The following JAG1 variants were observed in gnomAD, a reference collection of about 807,000 sequenced individuals.
JAG1 encodes the protein protein jagged-1.
A neutral mutation model predicts 148.7 loss-of-function variants in JAG1; 23 were observed. That is an observed-to-expected ratio of 0.15 (90% CI 0.11 to 0.22). JAG1 has a LOEUF of 0.22. Among genes scored for constraint, JAG1 ranks in the 10% least tolerant of loss-of-function variants. JAG1 has a pLI of 1.00. For missense variants in JAG1, 1,054 were observed against 1,611.2 expected (o/e 0.65, Z 5.92); for synonymous variants, 572 against 598.3 (o/e 0.96, Z 0.64).
chr20:10,644,070 T>A, intron 19 of JAG1, among the ~76,000 whole-genome samples: 1 of 152,132 alleles, frequency 6.6e-6, no homozygotes, highest in East Asian at 1.9e-4. Context: ...GCAGCGGGAT[T>A]TTTAAAAGCT....
Position 10,672,613 on chromosome 20 carries a change from C to G in JAG1, c.387+88G>C. ...TAGCGCCTAGTTTCAAGCCAAAGCC[C>G]TTTAAATCCCTCTCGCAAGGGATAA... On this transcript the variant is annotated intron_variant, in intron 2 of 25. Transcript: ENST00000254958. 2.2e-6 allele frequency: 3 copies of G among 1,367,180 alleles called. No individual in the cohort carries two copies. In the Middle Eastern group the frequency reaches 7.0e-4, roughly 321 times the overall value. 84.7% of individuals were successfully genotyped at this position (1,367,180 alleles called of 1,614,324 possible).
intron 21 of JAG1, 31 bp downstream of exon 21, chr20:10,642,453 AAGAC>A: frequency 7.9e-7 from 1 of 1,272,166 alleles, no homozygotes; most frequent in Non-Finnish European, 1.2e-6. Flanking sequence ...CTCACCCCAG[AAGAC>A]CCATGGGCAG....
At chr20:10,658,829 CT>C (rs1600189123) in intron 3 of JAG1, 107 bp from the exon 4 acceptor site, 1 of 1,277,118 alleles carries the variant, frequency 7.8e-7, no homozygotes, top group African/African-American at 1.5e-5. Context: ...AAAATTCTAT[CT>C]GTTGTAAAAA....
intron 2 of JAG1, among the ~76,000 whole-genome samples, chr20:10,668,038 C>A (rs1169690673): frequency 7.0e-6 from 1 of 143,284 alleles, no homozygotes; most frequent in Admixed American, 7.4e-5. Context: ...AGCCACCTTG[C>A]GGAATTTCTT....
At position 10,646,999 on chromosome 20, in the gene JAG1, A is replaced by C; in HGVS notation, c.1825T>G (p.Ser609Ala). 6.2e-7 allele frequency: 1 copy of C among 1,614,104 alleles called. No individual in the cohort carries two copies. Among genetic ancestry groups the C allele is most frequent in the Non-Finnish European group, 8.5e-7 (1 of 1,180,008 alleles). Residue 609 changes from serine to alanine, a missense_variant, in exon 14 of 26, where the codon TCG becomes GCG. By Grantham distance (99) the Ser-to-Ala change is moderately conservative. Coordinates refer to ENST00000254958, the MANE Select transcript of JAG1 (RefSeq NM_000214.3). The part of the protein sequence containing the change: ...CGPHGKCKSQ[S>A]GGKFTCDCNK... ...CAGTCACAGGTGAATTTGCCTCCCG[A>C]CTGACTCTTGCACTTCCCGTGAGGA...
chr20:10,644,924 G>C lies in JAG1; in HGVS notation c.2283C>G (p.Val761=). The part of the protein sequence containing the change: ...NPCHNGGTCV[V]NGESFTCVCK... ...AGACGCACGTAAAGGACTCGCCGTT[G>C]ACCACACATGTGCCCCCATTATGGC... Residue 761 remains valine, a synonymous_variant, in exon 18 of 26, where the codon GTC becomes GTG. Coordinates refer to ENST00000254958, the MANE Select transcript of JAG1 (RefSeq NM_000214.3). The C allele has an allele frequency of 1.9e-6, 3 of 1,614,084 alleles. No individual in the cohort carries two copies. The highest frequency in any genetic ancestry group is 1.7e-4 in the Middle Eastern group (1 of 6,060).
intron 5 of JAG1, among the ~76,000 whole-genome samples, chr20:10,655,875 A>G (rs1240847781): frequency 1.3e-5 from 2 of 152,210 alleles, no homozygotes; most frequent in African/African-American, 4.8e-5. Flanking sequence ...GCAAAAGTCT[A>G]CATTCATCAG....
intron 5 of JAG1, 52 bp from the exon 6 acceptor site, chr20:10,652,650 C>T: frequency 6.2e-7 from 1 of 1,604,682 alleles, no homozygotes; most frequent in Non-Finnish European, 8.5e-7. Flanking sequence ...TTAAGAGACA[C>T]CTGTACAATT....
intron 8 of JAG1, 171 bp from the exon 9 acceptor site, chr20:10,650,531 T>C: frequency 1.6e-6 from 1 of 610,702 alleles, no homozygotes; most frequent in Non-Finnish European, 2.9e-6. Flanking sequence ...GAAGCCTTGA[T>C]TTTAGCTTTA....
intron 20 of JAG1, among the ~76,000 whole-genome samples, chr20:10,643,557 C>T (rs977088217): frequency 2.6e-5 from 4 of 152,174 alleles, no homozygotes; most frequent in African/African-American, 9.7e-5. Flanking sequence ...CACTCTCTCC[C>T]CAAGAACAAG....
chr20:10,669,312 T>C (rs1052374108), intron 2 of JAG1, among the ~76,000 whole-genome samples: 4 of 151,966 alleles, frequency 2.6e-5, no homozygotes, highest in African/African-American at 9.7e-5. Flanking sequence ...ATGCAAATCC[T>C]GGCTGCAGAA....
At chr20:10,659,338 CTT>C (rs1416225601) in intron 3 of JAG1, among the ~76,000 whole-genome samples, 3 of 152,224 alleles carry the variant, frequency 2.0e-5, no homozygotes, top group Non-Finnish European at 2.9e-5. Flanking sequence ...AACAGCTTCT[CTT>C]CTCTGCCAAC....
intron 11 of JAG1, 97 bp from the exon 12 acceptor site, chr20:10,648,819 G>C (rs546608551): frequency 8.0e-7 from 1 of 1,249,488 alleles, no homozygotes; most frequent in South Asian, 1.3e-5. Flanking sequence ...TTGCGGTTTA[G>C]CTGGTTCACT....
At position 10,647,052 on chromosome 20, in the gene JAG1, A is replaced by C. The variant is rs1600182882; in HGVS notation, c.1772T>G (p.Val591Gly). Residue 591 changes from valine to glycine, a missense_variant, in exon 14 of 26, where the codon GTG becomes GGG. Coordinates refer to ENST00000254958, the MANE Select transcript of JAG1 (RefSeq NM_000214.3). Reference sequence around the variant, plus strand: ...ACAGACGTTGGAGGAAATATACCGCACCCCTTCAGGTGTGTCGTTGGAAGC... The same window carrying C: ...ACAGACGTTGGAGGAAATATACCGCCCCCCTTCAGGTGTGTCGTTGGAAGC... ...AMASNDTPEG[V>G]RYISSNVCGP... The C allele has an allele frequency of 6.2e-7, 1 of 1,614,082 alleles. No individual in the cohort carries two copies. Among genetic ancestry groups the C allele is most frequent in the Non-Finnish European group, 8.5e-7 (1 of 1,180,006 alleles).
At chr20:10,649,135 A>G in intron 10 of JAG1, 28 bp from the exon 11 acceptor site, 1 of 1,523,682 alleles carries the variant, frequency 6.6e-7, no homozygotes, top group South Asian at 1.1e-5. Flanking sequence ...CATCATTTTA[A>G]AGAGGTAATT....
At chr20:10,666,987 G>A (rs537708508) in intron 2 of JAG1, among the ~76,000 whole-genome samples, 3 of 152,324 alleles carry the variant, frequency 2.0e-5, no homozygotes, top group South Asian at 2.1e-4. Context: ...ACTCCATGGC[G>A]GTTACCTTGG....
In JAG1 at chr20:10,643,893, AAC is replaced by A. The variant is rs957553735; in HGVS notation, c.2373-32_2373-31del. The A allele has an allele frequency of 1.9e-6, 3 of 1,548,186 alleles. No individual in the cohort carries two copies. In the African/African-American group the frequency reaches 4.1e-5, roughly 21 times the overall value. On this transcript the variant is annotated intron_variant, in intron 19 of 25. Transcript: ENST00000254958. ...GAAAGCAAAGACCACCTTGGTTACC[AAC>A]CTCCCAGTCCATTACTCTGGCTGCC...
At chr20:10,644,315 CG>C in intron 19 of JAG1, 41 bp downstream of exon 19, 1 of 1,469,304 alleles carries the variant, frequency 6.8e-7, no homozygotes, top group Non-Finnish European at 9.5e-7. Context: ...CACACACACA[CG>C]ATAGTGGATG....
At chr20:10,667,656 A>G (rs2067464022) in intron 2 of JAG1, among the ~76,000 whole-genome samples, 1 of 152,122 alleles carries the variant, frequency 6.6e-6, no homozygotes, top group South Asian at 2.1e-4. Context: ...AGGGCTTGAC[A>G]TGTCAATAGA....
Sources: gnomAD v4.1 joint callset for allele counts (sites outside exome capture counted in the v4.1 genomes callset) on GRCh38, gnomAD v4.1.1 for gene constraint, MANE v1.5 for transcripts, NCBI Gene and HGNC (gene_info 2026-07-23, HGNC 2026-07-21) for gene names.